ELOVL6: variants seen among roughly 807,000 people sequenced by gnomAD.
ELOVL6 encodes the protein ELOVL fatty acid elongase 6, also known as very long chain fatty acid elongase 6.
A neutral mutation model predicts 31.7 loss-of-function variants in ELOVL6; 8 were observed. The observed-to-expected ratio is 0.25, with a 90% CI of 0.15 to 0.45. The LOEUF (loss-of-function observed/expected upper bound fraction) is 0.45, where lower values mean the gene tolerates loss of function less well. ELOVL6 is among the 20% of genes least tolerant of loss of function. The probability of loss-of-function intolerance (pLI) is 1.00; values close to 1 mark genes in which losing one functional copy is unlikely to be tolerated. For missense variants in ELOVL6, 126 were observed against 326.4 expected (o/e 0.39, Z 4.73); for synonymous variants, 101 against 117.7 (o/e 0.86, Z 0.92).
At chr4:110,103,504 T>G (rs909748240) in intron 2 of ELOVL6, among the ~76,000 whole-genome samples, 1 of 152,166 alleles carries the variant, frequency 6.6e-6, no homozygotes, top group East Asian at 1.9e-4. Flanking sequence ...CAAGCATTTA[T>G]CCTAATCTTT....
chr4:110,085,732 T>A (rs1043291831), intron 2 of ELOVL6, among the ~76,000 whole-genome samples: 1 of 152,256 alleles, frequency 6.6e-6, no homozygotes, highest in African/African-American at 2.4e-5. Flanking sequence ...GAGGCTCTAC[T>A]TTTTTTGGAA....
intron 1 of ELOVL6, among the ~76,000 whole-genome samples, chr4:110,170,135 T>C (rs1758902765): frequency 6.6e-6 from 1 of 152,150 alleles, no homozygotes; most frequent in Non-Finnish European, 1.5e-5. Context: ...TTTCTATATT[T>C]ATTAGATTTA....
At chr4:110,170,805 A>G (rs367838126) in intron 1 of ELOVL6, among the ~76,000 whole-genome samples, 9 of 152,328 alleles carry the variant, frequency 5.9e-5, no homozygotes, top group African/African-American at 2.2e-4. Context: ...GATATTATAT[A>G]TACAGGTTTC....
At chr4:110,097,151 C>CA (rs1432802734) in intron 2 of ELOVL6, among the ~76,000 whole-genome samples, 2 of 151,864 alleles carry the variant, frequency 1.3e-5, no homozygotes, top group Non-Finnish European at 2.9e-5. Context: ...ACTAAAAATA[C>CA]AAAAATTAGC....
In ELOVL6 at chr4:110,094,000, C is replaced by T. The variant is rs1578475895; in HGVS notation, c.221+11497G>A. ...GTATGGTGGCTCACGTCTGTAATCC[C>T]AGCATTTTGGGAAGCCAAGGCAGGC... On this transcript the variant is annotated intron_variant, in intron 2 of 3. Transcript: ENST00000302274. 2.0e-5 allele frequency among the ~76,000 whole-genome samples: 3 copies of T among 152,098 alleles called. No individual in the cohort carries two copies. The South Asian group carries it at 6.2e-4, about 32-fold the overall frequency.
At chr4:110,137,427 G>C (rs1349467508) in intron 1 of ELOVL6, among the ~76,000 whole-genome samples, 1 of 152,130 alleles carries the variant, frequency 6.6e-6, no homozygotes, top group African/African-American at 2.4e-5. Flanking sequence ...AATCAGAAAT[G>C]GGACAAACTC....
intron 1 of ELOVL6, among the ~76,000 whole-genome samples, chr4:110,163,440 C>T (rs1280185507): frequency 2.0e-5 from 3 of 152,162 alleles, no homozygotes; most frequent in Non-Finnish European, 2.9e-5. Context: ...GTGGTATGAA[C>T]GGTCTCTGAG....
chr4:110,141,748 A>G (rs1757964910), intron 1 of ELOVL6, among the ~76,000 whole-genome samples: 1 of 133,136 alleles, frequency 7.5e-6, no homozygotes, highest in African/African-American at 3.1e-5. Flanking sequence ...GTATTTATAT[A>G]TATAGTATTG....
intron 1 of ELOVL6, among the ~76,000 whole-genome samples, chr4:110,196,915 C>T (rs1361822954): frequency 1.3e-5 from 2 of 152,170 alleles, no homozygotes; most frequent in Admixed American, 6.5e-5. Flanking sequence ...GGCCGGGCCT[C>T]CCGACACTGG....
At chr4:110,105,411 G>A in intron 2 of ELOVL6, 86 bp downstream of exon 2, 1 of 1,362,992 alleles carries the variant, frequency 7.3e-7, no homozygotes, top group Non-Finnish European at 1.0e-6. Context: ...AAAAATATCA[G>A]ATTTAAAATC....
In ELOVL6 at chr4:110,046,310, C is replaced by T. The variant is rs1372903517; in HGVS notation, c.*5028G>A. On this transcript the variant is annotated 3_prime_UTR_variant, in exon 4 of 4. Coordinates refer to ENST00000302274, the MANE Select transcript of ELOVL6 (RefSeq NM_024090.3). ...CTTATGGGACCAGTTATTAATTTAA[C>T]CAGTTACTTCAGAAGAGGTTACTAC... The T allele has an allele frequency of 1.3e-5, 2 of 152,172 alleles. No individual in the cohort carries two copies. The highest frequency in any genetic ancestry group is 2.9e-5 in the Non-Finnish European group (2 of 68,044). 9.4% of individuals were successfully genotyped at this position (152,172 alleles called of 1,614,324 possible).
chr4:110,182,511 A>T lies in ELOVL6; in HGVS notation c.89+15736T>A, dbSNP rs370166991. ...TGTAGAATGAAACTTATCTTAAAAC[A>T]TTAAGTACATTATAGTTAATGCAAA... On this transcript the variant is annotated intron_variant, in intron 1 of 3. Coordinates refer to ENST00000302274, the MANE Select transcript of ELOVL6 (RefSeq NM_024090.3). Among the ~76,000 whole-genome samples, 30 of 152,348 alleles carry T rather than the reference A, an allele frequency of 2.0e-4. No homozygotes were observed. In the East Asian group the frequency reaches 2.9e-3, roughly 15 times the overall value.
rs33970271 is a variant in ELOVL6 at position 110,097,305 on chromosome 4, C to CAAAAAAAAAA, written c.221+8182_221+8191dup. Reference sequence around the variant, plus strand: ...GGGTGACAGAGCGAGACTCCATCTCCAAAAAAAAAAAAAAAAAGCTTAAGA... The same window carrying CAAAAAAAAAA: ...GGGTGACAGAGCGAGACTCCATCTCCAAAAAAAAAAAAAAAAAAAAAAAAAAAGCTTAAGA... On this transcript the variant is annotated intron_variant, in intron 2 of 3. Transcript: ENST00000302274. Among the ~76,000 whole-genome samples, 32 of 88,698 alleles carry CAAAAAAAAAA rather than the reference C, an allele frequency of 3.6e-4. 1 individual carries two copies. The highest frequency in any genetic ancestry group is 7.9e-4 in the East Asian group (2 of 2,516). 58.2% of individuals were successfully genotyped at this position (88,698 alleles called of 152,430 possible). A position where few individuals can be genotyped will look rare whatever the true frequency, so the allele number is the denominator to read the frequency against.
chr4:110,166,667 A>G (rs554063908), intron 1 of ELOVL6, among the ~76,000 whole-genome samples: 1 of 152,320 alleles, frequency 6.6e-6, no homozygotes, highest in South Asian at 2.1e-4. Flanking sequence ...GAAGGCAATG[A>G]ACACTGCCTG....
At chr4:110,126,445 T>C (rs545076398) in intron 1 of ELOVL6, among the ~76,000 whole-genome samples, 3 of 152,128 alleles carry the variant, frequency 2.0e-5, no homozygotes, top group African/African-American at 4.8e-5. Context: ...TTGCCCCTCA[T>C]TGACTTTTGG....
rs6835719 is a variant in ELOVL6 at position 110,142,834 on chromosome 4, A to G, written c.90-37206T>C. On this transcript the variant is annotated intron_variant, in intron 1 of 3. Coordinates refer to ENST00000302274, the MANE Select transcript of ELOVL6 (RefSeq NM_024090.3). ...AGTCCTATAACATACCAATCCTTCA[A>G]TATAACTCATCTTTAAATTGTGGTT... Among the ~76,000 whole-genome samples, 1,157 of 152,332 alleles carry G rather than the reference A, an allele frequency of 7.6e-3. 7 individuals carry two copies. Among genetic ancestry groups the G allele is most frequent in the South Asian group, 0.013 (62 of 4,826 alleles).
At chr4:110,194,780 A>T (rs1759723989) in intron 1 of ELOVL6, among the ~76,000 whole-genome samples, 2 of 152,204 alleles carry the variant, frequency 1.3e-5, no homozygotes, top group Non-Finnish European at 2.9e-5. Flanking sequence ...CTCTTAAATG[A>T]TGCTAGTTAG....
At position 110,186,818 on chromosome 4, in the gene ELOVL6, A is replaced by T. The variant is rs1427159443; in HGVS notation, c.89+11429T>A. ...GACTCTGTCTCAAAAAAAAAAAAAA[A>T]AAAAATATATATATATATATATATA... On this transcript the variant is annotated intron_variant, in intron 1 of 3. Coordinates refer to ENST00000302274, the MANE Select transcript of ELOVL6 (RefSeq NM_024090.3). Among the ~76,000 whole-genome samples the T allele has an allele frequency of 2.2e-3, 222 of 101,142 alleles. 1 individual carries two copies. The highest frequency in any genetic ancestry group is 6.9e-3 in the African/African-American group (194 of 27,974). 66.4% of individuals were successfully genotyped at this position (101,142 alleles called of 152,430 possible).
intron 1 of ELOVL6, among the ~76,000 whole-genome samples, chr4:110,136,692 T>C (rs1011977022): frequency 6.6e-6 from 1 of 152,218 alleles, no homozygotes; most frequent in African/African-American, 2.4e-5. Context: ...AGGTGAGCCA[T>C]GGTTTTCTGA....
Sources: gnomAD v4.1 joint callset for allele counts (sites outside exome capture counted in the v4.1 genomes callset) on GRCh38, gnomAD v4.1.1 for gene constraint, MANE v1.5 for transcripts, NCBI Gene and HGNC (gene_info 2026-07-23, HGNC 2026-07-21) for gene names.